Variants in CDH18 observed in about 807,000 individuals in gnomAD.
CDH18 encodes the protein cadherin 18, also known as cadherin-18.
In CDH18, 31 loss-of-function variants were observed where a neutral mutation model predicts 67.9. The observed-to-expected ratio is 0.46, with a 90% CI of 0.34 to 0.62. CDH18 has a LOEUF of 0.62. CDH18 is among the 20% of genes least tolerant of loss of function. The pLI, the probability that CDH18 is intolerant of heterozygous loss-of-function variation, is 0.01. For synonymous variants in CDH18, 362 were observed against 347.2 expected (o/e 1.04, Z -0.48); for missense variants, 890 against 975.5 (o/e 0.91, Z 1.17).
chr5:20,351,206 G>T (rs1287836010), intron 1 of CDH18, among the ~76,000 whole-genome samples: 2 of 146,826 alleles, frequency 1.4e-5, no homozygotes, highest in African/African-American at 5.0e-5. Flanking sequence ...GTGTGTTATT[G>T]CTTATTTTGT....
intron 3 of CDH18, among the ~76,000 whole-genome samples, chr5:19,773,326 A>C (rs963399589): frequency 2.6e-5 from 4 of 152,196 alleles, no homozygotes; most frequent in African/African-American, 4.8e-5. Flanking sequence ...TTTTATTTAA[A>C]AAAGATATAT....
chr5:19,678,333 A>T (rs983894695), intron 5 of CDH18, among the ~76,000 whole-genome samples: 1 of 151,970 alleles, frequency 6.6e-6, no homozygotes, highest in African/African-American at 2.4e-5. Context: ...AAAATCACTT[A>T]AAACCATGCA....
chr5:20,366,666 T>A (rs1742547076), intron 1 of CDH18, among the ~76,000 whole-genome samples: 1 of 152,154 alleles, frequency 6.6e-6, no homozygotes, highest in African/African-American at 2.4e-5. Flanking sequence ...TAATAATTCA[T>A]CAACAGAGTT....
intron 5 of CDH18, among the ~76,000 whole-genome samples, chr5:19,622,815 T>C (rs79456060): frequency 1.3e-5 from 2 of 152,120 alleles, no homozygotes; most frequent in Non-Finnish European, 2.9e-5. Flanking sequence ...TCCACACAAG[T>C]TGATATGTCA....
intron 1 of CDH18, chr5:20,304,808 C>A: frequency 6.2e-7 from 1 of 1,611,204 alleles, no homozygotes; most frequent in East Asian, 2.2e-5. Context: ...TCAGCCGCAG[C>A]TTTGTTAGAT....
intron 5 of CDH18, among the ~76,000 whole-genome samples, chr5:19,709,920 A>T (rs1315334307): frequency 6.6e-5 from 10 of 152,078 alleles, no homozygotes; most frequent in Admixed American, 2.6e-4. Flanking sequence ...GGATCACCTG[A>T]GGTCAGGAGT....
At chr5:20,467,882 G>A (rs4626341) in intron 1 of CDH18, among the ~76,000 whole-genome samples, 151,797 of 152,212 alleles carry the variant, frequency 1, 75,692 homozygotes, top group Middle Eastern at 1. Flanking sequence ...TTAATTTTCC[G>A]TACTTTTGGC....
chr5:20,141,212 C>T (rs1263617632), intron 2 of CDH18, among the ~76,000 whole-genome samples: 2 of 152,044 alleles, frequency 1.3e-5, no homozygotes, highest in South Asian at 2.1e-4. Context: ...CTTGAAAACA[C>T]GAAAGTAGAT....
At chr5:19,654,782 G>A (rs772929812) in intron 5 of CDH18, among the ~76,000 whole-genome samples, 192 of 152,262 alleles carry the variant, frequency 1.3e-3, no homozygotes, top group Middle Eastern at 6.8e-3. Flanking sequence ...GAGGGAGGTA[G>A]CTCTCAGCAG....
At chr5:20,170,484 T>G (rs1342353977) in intron 2 of CDH18, among the ~76,000 whole-genome samples, 1 of 152,122 alleles carries the variant, frequency 6.6e-6, no homozygotes, top group Non-Finnish European at 1.5e-5. Context: ...CAGAGAAATA[T>G]TCTAAGTGTT....
At chr5:20,443,734 C>T (rs1749802915) in intron 1 of CDH18, among the ~76,000 whole-genome samples, 1 of 151,914 alleles carries the variant, frequency 6.6e-6, no homozygotes, top group African/African-American at 2.4e-5. Context: ...TTGTCTTCCT[C>T]AGATTTCAGT....
In CDH18 at chr5:20,183,628, T is replaced by C. The variant is rs1446747042; in HGVS notation, c.-518+71816A>G. Among the ~76,000 whole-genome samples the C allele has an allele frequency of 2.6e-5, 4 of 152,266 alleles. No individual in the cohort carries two copies. In the South Asian group the frequency reaches 6.2e-4, roughly 24 times the overall value. On this transcript the variant is annotated intron_variant, in intron 2 of 14. Transcript: ENST00000507958. The stretch of plus-strand genomic sequence containing the variant: ...CCATAAGTAGTTATTTTATGATTTG[T>C]ATATTCAAAATCTTTTTGTTTATCT...
intron 7 of CDH18, among the ~76,000 whole-genome samples, chr5:19,583,409 A>T (rs887772449): frequency 4.5e-4 from 68 of 152,162 alleles, no homozygotes; most frequent in South Asian, 1.0e-3. Context: ...GTAAACTTAA[A>T]AAAAGTCTTC....
At chr5:19,654,617 T>C (rs751945465) in intron 5 of CDH18, among the ~76,000 whole-genome samples, 4 of 152,178 alleles carry the variant, frequency 2.6e-5, no homozygotes, top group Non-Finnish European at 5.9e-5. Context: ...CCAGTGGGCA[T>C]GCTACTGTGC....
At chr5:20,469,383 T>G (rs1751890858) in intron 1 of CDH18, among the ~76,000 whole-genome samples, 1 of 152,202 alleles carries the variant, frequency 6.6e-6, no homozygotes, top group Non-Finnish European at 1.5e-5. Flanking sequence ...AAACATTTAA[T>G]TAAAGTGAAA....
chr5:19,902,450 G>A (rs1790041470), intron 2 of CDH18, among the ~76,000 whole-genome samples: 1 of 152,154 alleles, frequency 6.6e-6, no homozygotes, highest in Non-Finnish European at 1.5e-5. Flanking sequence ...GCCTTACAGA[G>A]GAGCTCAAGC....
At chr5:19,585,438 C>T (rs538776129) in intron 7 of CDH18, among the ~76,000 whole-genome samples, 1 of 152,276 alleles carries the variant, frequency 6.6e-6, no homozygotes, top group East Asian at 1.9e-4. Flanking sequence ...TACATCATTG[C>T]AAACTTACCC....
chr5:20,013,176 G>A (rs1279990677), intron 2 of CDH18, among the ~76,000 whole-genome samples: 1 of 152,024 alleles, frequency 6.6e-6, no homozygotes, highest in Non-Finnish European at 1.5e-5. Context: ...TACACCCGAT[G>A]TTTGCTGATC....
At chr5:20,272,689 G>A (rs1040989739) in intron 1 of CDH18, among the ~76,000 whole-genome samples, 5 of 151,902 alleles carry the variant, frequency 3.3e-5, no homozygotes, top group Non-Finnish European at 5.9e-5. Flanking sequence ...AATAGCACTA[G>A]CTCTGTTTGA....
Sources: allele counts gnomAD v4.1 joint callset (sites outside exome capture counted in the v4.1 genomes callset), GRCh38; gene constraint gnomAD v4.1.1; transcripts MANE v1.5; gene names NCBI Gene and HGNC (gene_info 2026-07-23, HGNC 2026-07-21).